Variants in SCN7A observed in about 807,000 individuals in gnomAD.
SCN7A encodes sodium channel protein type 7 subunit alpha.
Under a neutral mutation model 155.2 loss-of-function variants are expected in SCN7A, and 138 were observed. The observed-to-expected ratio is 0.89, with a 90% CI of 0.77 to 1.02. The LOEUF (loss-of-function observed/expected upper bound fraction) is 1.02, where lower values mean the gene tolerates loss of function less well. Ranked by LOEUF, SCN7A falls within the 50% of genes least tolerant of loss-of-function variation. The pLI is 0.00. For synonymous variants in SCN7A, 693 were observed against 649.0 expected (o/e 1.07, Z -1.03); for missense variants, 2,058 against 1,986.6 (o/e 1.04, Z -0.68).
Position 166,474,338 on chromosome 2 carries a change from T to C in SCN7A, c.241A>G (p.Ile81Val). The part of the protein sequence containing the change: ...PYYYKKKNTF[I>V]VLNKNRTIFR... ...ATTGTTCTATTTTTATTTAATACTA[T>C]GAAAGTCTGTAAGAAGAAAAGCGAT... Residue 81 changes from isoleucine (I) to valine (V), a missense_variant, in exon 4 of 26, where the codon ATA becomes GTA. Physicochemically the swap from Ile to Val is conservative, Grantham distance 29. Transcript: ENST00000643258. 1 of 1,432,512 alleles carries C rather than the reference T, an allele frequency of 7.0e-7. No individual in the cohort carries two copies. The highest frequency in any genetic ancestry group is 9.5e-7 in the Non-Finnish European group (1 of 1,055,484). 88.7% of individuals were successfully genotyped at this position (1,432,512 alleles called of 1,614,324 possible). A position where few individuals can be genotyped will look rare whatever the true frequency, so the allele number is the denominator to read the frequency against.
intron 15 of SCN7A, among the ~76,000 whole-genome samples, chr2:166,437,056 A>T (rs1701854627): frequency 6.6e-6 from 1 of 152,242 alleles, no homozygotes; most frequent in Non-Finnish European, 1.5e-5. Flanking sequence ...CCAAATATTA[A>T]TCACCAAGGC....
chr2:166,435,069 CTA>C (rs143266788), intron 15 of SCN7A, among the ~76,000 whole-genome samples: 2 of 151,332 alleles, frequency 1.3e-5, no homozygotes. Context: ...ATTCATATAT[CTA>C]TATATATATA....
At chr2:166,430,027 C>A (rs71428925) in intron 16 of SCN7A, among the ~76,000 whole-genome samples, 17,461 of 151,958 alleles carry the variant, frequency 0.11, 1,190 homozygotes, top group Middle Eastern at 0.16. Context: ...TACCGTAAAT[C>A]ATTCTTTAAA....
chr2:166,412,417 A>C, intron 23 of SCN7A, 113 bp downstream of exon 23: 1 of 1,144,804 alleles, frequency 8.7e-7, no homozygotes, highest in African/African-American at 1.6e-5. Flanking sequence ...ATGTCAAATA[A>C]AAATGACATT....
chr2:166,461,541 AG>A (rs1702409507), intron 10 of SCN7A, among the ~76,000 whole-genome samples: 1 of 152,196 alleles, frequency 6.6e-6, no homozygotes. Flanking sequence ...GAACTGGATA[AG>A]AAGAAATAGA....
At chr2:166,420,043 T>C (rs768089262) in intron 20 of SCN7A, among the ~76,000 whole-genome samples, 16 of 152,096 alleles carry the variant, frequency 1.1e-4, no homozygotes, top group Non-Finnish European at 2.9e-5. Context: ...ACGGGCTAAG[T>C]ATACATATAC....
At chr2:166,410,709 A>T (rs973138798) in intron 23 of SCN7A, among the ~76,000 whole-genome samples, 1 of 152,038 alleles carries the variant, frequency 6.6e-6, no homozygotes, top group Non-Finnish European at 1.5e-5. Context: ...AAGCAGAAAT[A>T]AACAGAAATG....
intron 10 of SCN7A, among the ~76,000 whole-genome samples, chr2:166,461,060 T>TC (rs1472695448): frequency 6.7e-6 from 1 of 149,108 alleles, no homozygotes; most frequent in Non-Finnish European, 1.5e-5. Flanking sequence ...TTTTTTTTTT[T>TC]TTTTTTTTTT....
chr2:166,417,200 G>T (rs1486605219), intron 20 of SCN7A, among the ~76,000 whole-genome samples: 13 of 152,130 alleles, frequency 8.5e-5, no homozygotes, highest in African/African-American at 3.1e-4. Flanking sequence ...CAGGCTGGGC[G>T]TGGTGGCTCA....
At chr2:166,408,370 T>C (rs1410921035) in intron 25 of SCN7A, among the ~76,000 whole-genome samples, 1 of 151,984 alleles carries the variant, frequency 6.6e-6, no homozygotes, top group Non-Finnish European at 1.5e-5. Flanking sequence ...CCGGTTTCTG[T>C]CTTTGGTCTT....
At chr2:166,460,479 G>T (rs1212039819) in intron 10 of SCN7A, among the ~76,000 whole-genome samples, 1 of 151,988 alleles carries the variant, frequency 6.6e-6, no homozygotes, top group Non-Finnish European at 1.5e-5. Flanking sequence ...TTCTCAGGTA[G>T]TTCATCTCTA....
chr2:166,414,378 CT>C (rs1166382152), intron 21 of SCN7A: 112 of 127,718 alleles, frequency 8.8e-4, no homozygotes, highest in African/African-American at 3.1e-3. Flanking sequence ...AATACAGATA[CT>C]AGCCCAAACT....
chr2:166,473,445 C>G (rs1042844837), intron 5 of SCN7A, among the ~76,000 whole-genome samples: 4 of 151,494 alleles, frequency 2.6e-5, no homozygotes, highest in African/African-American at 9.7e-5. Flanking sequence ...TTCAAGAAAG[C>G]CTTTTCCCCC....
At chr2:166,482,040 A>G (rs1339621416) in intron 2 of SCN7A, among the ~76,000 whole-genome samples, 1 of 152,106 alleles carries the variant, frequency 6.6e-6, no homozygotes, top group Non-Finnish European at 1.5e-5. Context: ...GATGATCCGA[A>G]TATTGGTTGT....
At chr2:166,440,781 C>T (rs1701942737) in intron 15 of SCN7A, 1 of 152,008 alleles carries the variant, frequency 6.6e-6, no homozygotes, top group African/African-American at 2.4e-5. Flanking sequence ...CCCCTTAATC[C>T]AGGGCAGATA....
At chr2:166,422,582 C>T (rs1701533422) in intron 19 of SCN7A, among the ~76,000 whole-genome samples, 2 of 152,254 alleles carry the variant, frequency 1.3e-5, no homozygotes, top group Non-Finnish European at 2.9e-5. Context: ...ATTTGAAGTG[C>T]TCCATGAAGG....
At chr2:166,433,222 A>T (rs1015140914) in intron 15 of SCN7A, among the ~76,000 whole-genome samples, 3 of 152,180 alleles carry the variant, frequency 2.0e-5, no homozygotes, top group Non-Finnish European at 4.4e-5. Flanking sequence ...AATGATAACC[A>T]TGTGAAGTAA....
At chr2:166,468,623 G>A (rs1702587458) in intron 7 of SCN7A, among the ~76,000 whole-genome samples, 1 of 151,902 alleles carries the variant, frequency 6.6e-6, no homozygotes, top group Non-Finnish European at 1.5e-5. Context: ...TGGTTTCAGA[G>A]CTCGTTGCAA....
chr2:166,480,609 G>A (rs1199932132), intron 2 of SCN7A, among the ~76,000 whole-genome samples: 1 of 151,876 alleles, frequency 6.6e-6, no homozygotes, highest in Non-Finnish European at 1.5e-5. Context: ...ATAAAATATA[G>A]TGATGCTCCC....
Sources: allele counts gnomAD v4.1 joint callset (sites outside exome capture counted in the v4.1 genomes callset), GRCh38; gene constraint gnomAD v4.1.1; transcripts MANE v1.5; gene names NCBI Gene and HGNC (gene_info 2026-07-23, HGNC 2026-07-21).